Variants in MUC5B observed in about 807,000 individuals in gnomAD.
MUC5B encodes mucin-5B.
In MUC5B, 116 loss-of-function variants were observed where a neutral mutation model predicts 376.9. The observed-to-expected ratio is 0.31, with a 90% CI of 0.26 to 0.36. The LOEUF is 0.36. MUC5B is among the 10% of genes least tolerant of loss of function. The pLI is 1.00. For missense variants in MUC5B, 7,165 were observed against 7,769.9 expected, an observed-to-expected ratio of 0.92 and a Z score of 2.93; for synonymous variants, 3,517 against 3,390.9, an observed-to-expected ratio of 1.04 and a Z score of -1.29.
Position 1,252,448 on chromosome 11 carries a change from C to T in MUC5B, c.14969C>T (p.Pro4990Leu), listed in dbSNP as rs1246835338. 1.9e-6 allele frequency: 3 copies of T among 1,610,474 alleles called. No individual in the cohort carries two copies. Among genetic ancestry groups the T allele is most frequent in the Middle Eastern group, 1.6e-4 (1 of 6,070 alleles). Residue 4990 changes from proline (P) to leucine (L), a missense_variant, in exon 32 of 49, where the codon CCA becomes CTA. Pro to Leu is a moderately conservative substitution (Grantham distance 98). Transcript: ENST00000529681. Reference sequence around the variant, plus strand: ...TTCCAGGGCGCCTGTCCCACCTCCCCACCGCCAGTGTCCTCCGCCCCGCTG... The same window carrying T: ...TTCCAGGGCGCCTGTCCCACCTCCCTACCGCCAGTGTCCTCCGCCCCGCTG... ...DRFQGACPTSPPPVSSAPLSS... is the reference protein window; with the variant it reads ...DRFQGACPTSLPPVSSAPLSS...
In MUC5B at chr11:1,257,503, C is replaced by T. The variant is rs1278713649; in HGVS notation, c.16270-27C>T. On this transcript the variant is annotated intron_variant, in intron 40 of 48. Transcript: ENST00000529681. The surrounding 1 kb of genome is among the most constrained non-coding windows in gnomAD (Gnocchi z 8.9). ...GTTGACCTGTGTCTGTCCAGGAGCC[C>T]TCAGGGACCCCCTTGATCCATTCCA... 6.2e-7 allele frequency: 1 copy of T among 1,602,182 alleles called. No homozygotes were observed. The highest frequency in any genetic ancestry group is 1.7e-5 in the Admixed American group (1 of 59,754).
Position 1,255,024 on chromosome 11 carries a change from G to A in MUC5B, c.15665-17G>A, listed in dbSNP as rs1400625638. The A allele has an allele frequency of 6.4e-7, 1 of 1,572,558 alleles. No individual in the cohort carries two copies. Among genetic ancestry groups the A allele is most frequent in the Non-Finnish European group, 8.6e-7 (1 of 1,159,516 alleles). The stretch of plus-strand genomic sequence containing the variant: ...GCTCCCCAGATTCCAGCCCCGCGGT[G>A]ACGCCCCCACTCCCAGGCACCTGCA... On this transcript the variant is annotated splice_polypyrimidine_tract_variant and intron_variant, in intron 35 of 48. Coordinates refer to ENST00000529681, the MANE Select transcript of MUC5B (RefSeq NM_002458.3).
At position 1,251,852 on chromosome 11, in the gene MUC5B, C is replaced by T. The variant is rs934551415; in HGVS notation, c.14863+109C>T. 4 of 824,140 alleles carry T rather than the reference C, an allele frequency of 4.9e-6. No individual in the cohort carries two copies. The African/African-American group carries it at 6.9e-5, about 14-fold the overall frequency. The allele number at this position is 824,140 out of a possible 1,614,324, so 51.1% of individuals were successfully genotyped here. ...TTTCTCCCTGCTGGTCATGTTTGTTCCCCACTGGCCTCACTTGGCCCCTCC... is the reference window on the plus strand; with the variant it reads ...TTTCTCCCTGCTGGTCATGTTTGTTTCCCACTGGCCTCACTTGGCCCCTCC... On this transcript the variant is annotated intron_variant, in intron 31 of 48. Transcript: ENST00000529681.
chr11:1,247,692 C>T lies in MUC5B; in HGVS notation c.10812C>T (p.Ala3604=), dbSNP rs548838785. ...ACACCTACTCCAACATCCGTGCGGC[C>T]GGAGGGGCAGTCTGTGAGCAGCCCC... ...DFDTYSNIRA[A]GGAVCEQPLG... Residue 3604 remains alanine (A), a synonymous_variant, in exon 31 of 49, where the codon GCC becomes GCT. Coordinates refer to ENST00000529681, the MANE Select transcript of MUC5B (RefSeq NM_002458.3). The T allele has an allele frequency of 5.5e-5, 87 of 1,584,252 alleles. 10 individuals carry two copies. The highest frequency in any genetic ancestry group is 1.2e-4 in the African/African-American group (9 of 73,882).
chr11:1,251,909 G>T (rs897416840), intron 31 of MUC5B, among the ~76,000 whole-genome samples, 166 bp downstream of exon 31: 1 of 148,668 alleles, frequency 6.7e-6, no homozygotes, highest in African/African-American at 2.5e-5. Flanking sequence ...GGCCACACTG[G>T]GTCTCCTCTG....
At position 1,233,182 on chromosome 11, in the gene MUC5B, C is replaced by A. The variant is rs1255337823; in HGVS notation, c.2235C>A (p.Ala745=). Residue 745 remains alanine, a synonymous_variant, in exon 18 of 49, where the codon GCC becomes GCA. Coordinates refer to ENST00000529681, the MANE Select transcript of MUC5B (RefSeq NM_002458.3). ...GCACCTTCCTCAATGACGCGGGCGC[C>A]TGTGTGCCCGCCCAGGAGTGCCCCT... The part of the protein sequence containing the change: ...PAGTFLNDAG[A]CVPAQECPCY... The A allele has an allele frequency of 6.2e-7, 1 of 1,604,400 alleles. No homozygotes were observed.
In MUC5B at chr11:1,243,743, C is replaced by A. The variant is rs1862366214; in HGVS notation, c.6863C>A (p.Pro2288His). ...ATSRTTATATPSKTRTSTLLP... is the reference protein window; with the variant it reads ...ATSRTTATATHSKTRTSTLLP... ...TCCAGGACCACAGCCACGGCCACAC[C>A]CAGCAAGACCCGCACCTCGACCCTG... Residue 2288 changes from proline (P) to histidine (H), a missense_variant, in exon 31 of 49, where the codon CCC becomes CAC. Physicochemically the swap from Pro to His is moderately conservative, Grantham distance 77. This residue lies in a region of MUC5B where 79 missense variants were observed against 63.0 expected (regional missense o/e 1.25). Transcript: ENST00000529681. 1.2e-6 allele frequency: 2 copies of A among 1,611,622 alleles called. No homozygotes were observed. The highest frequency in any genetic ancestry group is 1.3e-5 in the African/African-American group (1 of 74,820).
At position 1,257,319 on chromosome 11, in the gene MUC5B, G is replaced by A. The variant is rs537842075; in HGVS notation, c.16269+48G>A. 6.3e-6 allele frequency: 5 copies of A among 791,602 alleles called. No individual in the cohort carries two copies. In the African/African-American group the frequency reaches 6.7e-5, roughly 11 times the overall value. The allele number at this position is 791,602 out of a possible 1,614,324, so 49.0% of individuals were successfully genotyped here. ...GCCCTACCCCACCCTCTCGCGAGCT[G>A]AGGGAGGGAGGGAAGGAGCATCCCC... On this transcript the variant is annotated intron_variant, in intron 40 of 48. Transcript: ENST00000529681. The surrounding 1 kb of genome is among the most constrained non-coding windows in gnomAD (Gnocchi z 8.9).
chr11:1,237,903 C>T (rs1462509636), intron 25 of MUC5B, among the ~76,000 whole-genome samples: 2 of 152,192 alleles, frequency 1.3e-5, no homozygotes, highest in South Asian at 2.1e-4. Flanking sequence ...AAAGCAGTTT[C>T]GTGTCATCTT....
chr11:1,247,518 C>A lies in MUC5B; in HGVS notation c.10638C>A (p.Ser3546Arg), dbSNP rs376033739. ...GGACCACAGCCACAGCCACACCCAGCAAGACCCGCACCTCGACCCTGCTGC... is the reference window on the plus strand; with the variant it reads ...GGACCACAGCCACAGCCACACCCAGAAAGACCCGCACCTCGACCCTGCTGC... ...TSRTTATATPSKTRTSTLLPS... is the reference protein window; with the variant it reads ...TSRTTATATPRKTRTSTLLPS... Residue 3546 changes from serine to arginine, a missense_variant, in exon 31 of 49, where the codon AGC (serine) becomes AGA (arginine). By Grantham distance (110) the Ser-to-Arg change is moderately radical (BLOSUM62 -1). Around this residue, in one of 31 missense-constraint regions of MUC5B, gnomAD observed 939 missense variants for 770.6 expected, o/e 1.22. Transcript: ENST00000529681. The A allele has an allele frequency of 6.2e-6, 10 of 1,609,538 alleles. 1 individual carries two copies. The African/African-American group carries it at 1.2e-4, about 19-fold the overall frequency.
Position 1,243,248 on chromosome 11 carries a change from G to C in MUC5B, c.6368G>C (p.Ser2123Thr). 6.4e-7 allele frequency: 1 copy of C among 1,556,234 alleles called. No homozygotes were observed. Reference sequence around the variant, plus strand: ...GGTTCTATGGCAACACCCTCCTCTAGCACACAGACCAGTGGTACTCCCCCA... The same window carrying C: ...GGTTCTATGGCAACACCCTCCTCTACCACACAGACCAGTGGTACTCCCCCA... Reference protein sequence around the residue: ...ATGSMATPSSSTQTSGTPPSL... With the variant: ...ATGSMATPSSTTQTSGTPPSL... Residue 2123 changes from serine to threonine, a missense_variant, in exon 31 of 49, where the codon AGC becomes ACC. Transcript: ENST00000529681.
chr11:1,229,818 G>T lies in MUC5B; in HGVS notation c.1220+11G>T, dbSNP rs749079157. 4.4e-6 allele frequency: 7 copies of T among 1,585,584 alleles called. No individual in the cohort carries two copies. In the African/African-American group the frequency reaches 6.8e-5, roughly 15 times the overall value. ...CACCTGCAGCTCCTGGTACTTATGA[G>T]CCCACCAGCCTCCGCCTGGGGTGGG... is the stretch of plus-strand genomic sequence containing the variant. On this transcript the variant is annotated intron_variant, in intron 10 of 48. Coordinates refer to ENST00000529681, the MANE Select transcript of MUC5B (RefSeq NM_002458.3).
rs367808083 is a variant in MUC5B, at chr11:1,242,233, C to A, written c.5353C>A (p.Gln1785Lys). ...CACCAGCCAGGGCACGACCCGCTGT[C>A]AACCGAAGTGTGAGTGGACAGAGTG... ...TTTSQGTTRCQPKCEWTEWFD... is the reference protein window; with the variant it reads ...TTTSQGTTRCKPKCEWTEWFD... The change falls in exon 31 of 49, where the codon CAA becomes AAA. Residue 1785 changes from glutamine to lysine, a missense_variant. Around this residue, in one of 31 missense-constraint regions of MUC5B, gnomAD observed 897 missense variants for 779.6 expected, o/e 1.15. Transcript: ENST00000529681. The A allele has an allele frequency of 1.2e-6, 2 of 1,613,734 alleles. No individual in the cohort carries two copies. Among genetic ancestry groups the A allele is most frequent in the African/African-American group, 2.7e-5 (2 of 74,938 alleles).
intron 35 of MUC5B, 67 bp downstream of exon 35, chr11:1,254,947 G>C (rs951899576): frequency 1.5e-6 from 2 of 1,375,406 alleles, no homozygotes; most frequent in East Asian, 2.6e-5. Context: ...GTGAGCATAG[G>C]GGAAGCCTGG....
Position 1,253,072 on chromosome 11 carries a change from A to ATGGTGGGGCG in MUC5B, c.15217+92_15217+93insTGGTGGGGCG. The ATGGTGGGGCG allele has an allele frequency of 1.5e-5, 21 of 1,355,706 alleles. No homozygotes were observed. The highest frequency in any genetic ancestry group is 1.1e-4 in the South Asian group (9 of 82,170). The allele number at this position is 1,355,706 out of a possible 1,614,324, so 84.0% of individuals were successfully genotyped here. A position where few individuals can be genotyped will look rare whatever the true frequency, so the allele number is the denominator to read the frequency against. ...CTGGCAGAATGGGGCATGGTGGGGC[A>ATGGTGGGGCG]CAGTGGGGTGCAGTGGGGAATGGTG... On this transcript the variant is annotated intron_variant, in intron 33 of 48. Transcript: ENST00000529681. The surrounding 1 kb of genome is among the most constrained non-coding windows in gnomAD (Gnocchi z 4.3).
Position 1,246,296 on chromosome 11 carries a change from C to T in MUC5B, c.9416C>T (p.Thr3139Ile), listed in dbSNP as rs1328475310. ...PGTTWILTEL[T>I]TAATTTAATG... ...ACGACCTGGATCCTCACAGAGCTGA[C>T]CACAGCAGCCACTACAACTGCAGCC... is the stretch of plus-strand genomic sequence containing the variant. The change falls in exon 31 of 49, where the codon ACC becomes ATC. Residue 3139 changes from threonine (T) to isoleucine (I), a missense_variant. Physicochemically the swap from Thr to Ile is moderately conservative, Grantham distance 89 (BLOSUM62 -1). Around this residue, in one of 31 missense-constraint regions of MUC5B, gnomAD observed 939 missense variants for 770.6 expected, o/e 1.22. Transcript: ENST00000529681. The T allele has an allele frequency of 3.1e-6, 5 of 1,601,364 alleles. No homozygotes were observed. The highest frequency in any genetic ancestry group is 4.3e-6 in the Non-Finnish European group (5 of 1,171,850).
Position 1,253,164 on chromosome 11 carries a change from T to G in MUC5B, c.15217+184T>G. On this transcript the variant is annotated intron_variant, in intron 33 of 48. Transcript: ENST00000529681. The surrounding 1 kb of genome is among the most constrained non-coding windows in gnomAD (Gnocchi z 4.3). ...GGCATGGTGGGGTGTGGTGGTGGTG[T>G]TTGGGAGATCGCTGGCATCCCTTCA... 1 of 730,740 alleles carries G rather than the reference T, an allele frequency of 1.4e-6. No homozygotes were observed. The highest frequency in any genetic ancestry group is 2.3e-6 in the Non-Finnish European group (1 of 435,294). 45.3% of individuals were successfully genotyped at this position (730,740 alleles called of 1,614,324 possible).
At position 1,232,012 on chromosome 11, in the gene MUC5B, C is replaced by T; in HGVS notation, c.1695C>T (p.Phe565=). Residue 565 remains phenylalanine, a synonymous_variant, in exon 15 of 49, where the codon TTC becomes TTT. Coordinates refer to ENST00000529681, the MANE Select transcript of MUC5B (RefSeq NM_002458.3). ...GGCCCCCAGGCCTGTGTGGGAACTT[C>T]AACCAGAACCAGGCTGACGACTTCA... The part of the protein sequence containing the change: ...QGQMCGLCGN[F]NQNQADDFTA... 6.2e-7 allele frequency: 1 copy of T among 1,612,720 alleles called. No homozygotes were observed. The highest frequency in any genetic ancestry group is 1.1e-5 in the South Asian group (1 of 91,090).
intron 25 of MUC5B, among the ~76,000 whole-genome samples, chr11:1,238,588 G>A (rs543487252): frequency 6.6e-6 from 1 of 152,308 alleles, no homozygotes; most frequent in South Asian, 2.1e-4. Context: ...AGGCAGATGG[G>A]CAGGTGCATA....
Sources: gnomAD v4.1 joint callset for allele counts (sites outside exome capture counted in the v4.1 genomes callset) on GRCh38, gnomAD v4.1.1 for gene constraint, gnomAD v4.1.1 regional missense constraint, Gnocchi (gnomAD v3.1) non-coding constraint, MANE v1.5 for transcripts, NCBI Gene and HGNC (gene_info 2026-07-23, HGNC 2026-07-21) for gene names.